The following MCTP1 variants were observed in gnomAD, a reference collection of about 807,000 sequenced individuals.
MCTP1 encodes the protein multiple C2 and transmembrane domain-containing protein 1.
MCTP1 carries 69 observed loss-of-function variants against 120.6 expected under a neutral mutation model. The observed-to-expected ratio is 0.57, with a 90% CI of 0.47 to 0.70. The LOEUF (loss-of-function observed/expected upper bound fraction) is 0.70. Ranked by LOEUF, MCTP1 falls within the 30% of genes least tolerant of loss-of-function variation. MCTP1 has a pLI of 0.00. For synonymous variants in MCTP1, 529 were observed against 493.1 expected, an observed-to-expected ratio of 1.07 and a Z score of -0.96; for missense variants, 1,203 against 1,248.8, an observed-to-expected ratio of 0.96 and a Z score of 0.55.
At chr5:95,101,986 C>T (rs865892720) in intron 1 of MCTP1, among the ~76,000 whole-genome samples, 9 of 152,078 alleles carry the variant, frequency 5.9e-5, no homozygotes, top group Admixed American at 2.0e-4. Flanking sequence ...TTCCTCACCA[C>T]TTGTGGTAAA....
At chr5:95,029,609 T>C (rs1839923690) in intron 1 of MCTP1, among the ~76,000 whole-genome samples, 1 of 117,500 alleles carries the variant, frequency 8.5e-6, no homozygotes, top group Admixed American at 8.8e-5. Context: ...TCAGACCCCA[T>C]GGAAAGACTT....
In MCTP1 at chr5:95,268,462, G is replaced by A. The variant is rs184723629; in HGVS notation, c.720+15394C>T. Among the ~76,000 whole-genome samples, 10 of 152,274 alleles carry A rather than the reference G, an allele frequency of 6.6e-5. 1 individual carries two copies. In the East Asian group the frequency reaches 1.5e-3, roughly 23 times the overall value. ...TACTCATGAGCAGATGTAGGGGATC[G>A]ATCAAGGTGGTGGGAGTAATTATAA... On this transcript the variant is annotated intron_variant, in intron 1 of 22. Coordinates refer to ENST00000515393, the MANE Select transcript of MCTP1 (RefSeq NM_024717.7).
chr5:94,719,826 T>C (rs564622727), intron 19 of MCTP1, among the ~76,000 whole-genome samples: 5 of 152,304 alleles, frequency 3.3e-5, no homozygotes, highest in Non-Finnish European at 5.9e-5. Context: ...GTCCCAGAAC[T>C]TAAAATATAA....
At chr5:95,072,551 G>C (rs1752471960) in intron 1 of MCTP1, among the ~76,000 whole-genome samples, 1 of 151,844 alleles carries the variant, frequency 6.6e-6, no homozygotes. Context: ...AGCACAAAGG[G>C]GCCAATATTA....
chr5:94,841,523 G>A (rs1791050323), intron 17 of MCTP1, among the ~76,000 whole-genome samples: 1 of 152,114 alleles, frequency 6.6e-6, no homozygotes, highest in Non-Finnish European at 1.5e-5. Context: ...TTTTTCAGCA[G>A]CTGATTAGTC....
At chr5:95,068,956 CTTT>C (rs11357469) in intron 1 of MCTP1, 3,014 of 191,284 alleles carry the variant, frequency 0.016, no homozygotes, top group South Asian at 0.045. Flanking sequence ...GAGCAGGTAT[CTTT>C]TTTTTTTTTT....
At chr5:95,144,028 G>A (rs1192410138) in intron 1 of MCTP1, among the ~76,000 whole-genome samples, 1 of 152,206 alleles carries the variant, frequency 6.6e-6, no homozygotes, top group African/African-American at 2.4e-5. Flanking sequence ...CCTACGAACA[G>A]TGTCTAAGAG....
chr5:95,102,903 G>A (rs541149676), intron 1 of MCTP1, among the ~76,000 whole-genome samples: 41 of 152,286 alleles, frequency 2.7e-4, no homozygotes, highest in South Asian at 1.9e-3. Context: ...AGGGGAAGAT[G>A]ATTAACTTTT....
At chr5:95,257,768 A>T (rs1758038360) in intron 1 of MCTP1, among the ~76,000 whole-genome samples, 1 of 117,682 alleles carries the variant, frequency 8.5e-6, no homozygotes, top group Non-Finnish European at 1.8e-5. Flanking sequence ...TGGGACCGTA[A>T]AGAAGGAAGG....
In MCTP1 at chr5:94,704,820, CAGTTTT is replaced by C. The variant is rs1754161993; in HGVS notation, c.*2670_*2675del. 1 of 149,120 alleles carries C rather than the reference CAGTTTT, an allele frequency of 6.7e-6. No homozygotes were observed. Among genetic ancestry groups the C allele is most frequent in the Non-Finnish European group, 1.5e-5 (1 of 66,972 alleles). 9.2% of individuals were successfully genotyped at this position (149,120 alleles called of 1,614,324 possible). On this transcript the variant is annotated 3_prime_UTR_variant, in exon 23 of 23. Transcript: ENST00000515393. Reference sequence around the variant, plus strand: ...TGATTGATAGGTTCTGTAGGAATTCCAGTTTTTGAACATTCTATATGCACTAGGATA... The same window carrying C: ...TGATTGATAGGTTCTGTAGGAATTCCTGAACATTCTATATGCACTAGGATA...
chr5:95,216,094 T>A (rs545444162), intron 1 of MCTP1, among the ~76,000 whole-genome samples: 1 of 152,340 alleles, frequency 6.6e-6, no homozygotes, highest in South Asian at 2.1e-4. Flanking sequence ...ATAAATAAAT[T>A]AACTCTTATC....
At chr5:95,213,271 A>C (rs1752621316) in intron 1 of MCTP1, among the ~76,000 whole-genome samples, 1 of 152,174 alleles carries the variant, frequency 6.6e-6, no homozygotes, top group South Asian at 2.1e-4. Context: ...CAATTGCTTC[A>C]AAGAGAATAA....
intron 1 of MCTP1, among the ~76,000 whole-genome samples, chr5:95,238,722 A>G (rs908869692): frequency 2.4e-4 from 36 of 152,086 alleles, no homozygotes; most frequent in African/African-American, 7.0e-4. Flanking sequence ...TATTCTTCCA[A>G]TTAGTCCTTA....
At chr5:95,144,596 A>T (rs1278265172) in intron 1 of MCTP1, among the ~76,000 whole-genome samples, 1 of 152,134 alleles carries the variant, frequency 6.6e-6, no homozygotes, top group East Asian at 1.9e-4. Context: ...TAGGGGTTTT[A>T]TGAGTCTAGT....
At chr5:94,890,642 G>GA (rs1276449270) in intron 11 of MCTP1, among the ~76,000 whole-genome samples, 1 of 152,038 alleles carries the variant, frequency 6.6e-6, no homozygotes, top group Non-Finnish European at 1.5e-5. Context: ...AACTTCAATA[G>GA]AAAAAACAGA....
intron 1 of MCTP1, among the ~76,000 whole-genome samples, chr5:95,045,848 A>C (rs1357576272): frequency 2.0e-5 from 3 of 152,178 alleles, no homozygotes; most frequent in Non-Finnish European, 2.9e-5. Flanking sequence ...GTAGATAAGA[A>C]TATCACTCTG....
At chr5:94,762,439 G>T (rs536629759) in intron 19 of MCTP1, among the ~76,000 whole-genome samples, 1 of 152,100 alleles carries the variant, frequency 6.6e-6, no homozygotes, top group Non-Finnish European at 1.5e-5. Flanking sequence ...TGTCTTTCTT[G>T]TTTCCACGTT....
intron 1 of MCTP1, among the ~76,000 whole-genome samples, chr5:95,135,861 T>A (rs1025384412): frequency 6.6e-6 from 1 of 152,202 alleles, no homozygotes; most frequent in Non-Finnish European, 1.5e-5. Context: ...TTTGGTTCAA[T>A]AAACTGAAAA....
chr5:95,182,295 T>C lies in MCTP1; in HGVS notation c.720+101561A>G, dbSNP rs528164649. On this transcript the variant is annotated intron_variant, in intron 1 of 22. Transcript: ENST00000515393. ...ATTGAAGGCACAAAGGAGAAAACAT[T>C]GGAAGGTGATTCAAACTTAGAAAAG... Among the ~76,000 whole-genome samples the C allele has an allele frequency of 2.4e-3, 368 of 152,226 alleles. 1 individual carries two copies. The highest frequency in any genetic ancestry group is 8.7e-3 in the African/African-American group (360 of 41,544).
Sources: gnomAD v4.1 joint callset for allele counts (sites outside exome capture counted in the v4.1 genomes callset) on GRCh38, gnomAD v4.1.1 for gene constraint, MANE v1.5 for transcripts, NCBI Gene and HGNC (gene_info 2026-07-23, HGNC 2026-07-21) for gene names.